MAML2: variants seen among roughly 807,000 people sequenced by gnomAD.
The protein encoded by MAML2 is mastermind-like protein 2.
MAML2 carries 22 observed loss-of-function variants against 96.1 expected under a neutral mutation model. The ratio of observed to expected loss-of-function variants is 0.23; its 90% confidence interval spans 0.16 to 0.33. The LOEUF (loss-of-function observed/expected upper bound fraction) is 0.33. MAML2 is among the 10% of genes least tolerant of loss of function. The probability of loss-of-function intolerance (pLI) is 1.00; values close to 1 mark genes in which losing one functional copy is unlikely to be tolerated. For missense variants in MAML2, 1,367 were observed against 1,392.4 expected, an observed-to-expected ratio of 0.98 and a Z score of 0.29; for synonymous variants, 561 against 521.3, an observed-to-expected ratio of 1.08 and a Z score of -1.04.
At chr11:96,178,026 C>A (rs3016376) in intron 1 of MAML2, among the ~76,000 whole-genome samples, 148,775 of 148,786 alleles carry the variant, frequency 1, 74,382 homozygotes, top group Middle Eastern at 1. Context: ...TACTCTTTAA[C>A]TTAAAAAAAA....
intron 1 of MAML2, among the ~76,000 whole-genome samples, chr11:96,253,343 A>T (rs1275594621): frequency 3.3e-5 from 5 of 152,182 alleles, no homozygotes; most frequent in Non-Finnish European, 7.3e-5. Context: ...GACAATGCCA[A>T]GGAATATAGA....
chr11:96,245,677 A>G (rs1026694395), intron 1 of MAML2, among the ~76,000 whole-genome samples: 2 of 148,660 alleles, frequency 1.3e-5, no homozygotes, highest in African/African-American at 2.5e-5. Flanking sequence ...AGCTATTTCT[A>G]TGTTCACCTG....
Position 96,167,204 on chromosome 11 carries a change from G to C in MAML2, c.514-73687C>G, listed in dbSNP as rs148651591. Among the ~76,000 whole-genome samples, 75 of 152,214 alleles carry C rather than the reference G, an allele frequency of 4.9e-4. 2 individuals are homozygous for C. In the East Asian group the frequency reaches 0.013, roughly 27 times the overall value. ...GTGTTAGAAAATAAAGTCTAATCTG[G>C]ACACTCGCTGCTCACTTGAATCCTG... On this transcript the variant is annotated intron_variant, in intron 1 of 4. Coordinates refer to ENST00000524717, the MANE Select transcript of MAML2 (RefSeq NM_032427.4).
chr11:96,148,005 C>A (rs886661899), intron 1 of MAML2, among the ~76,000 whole-genome samples: 1 of 152,186 alleles, frequency 6.6e-6, no homozygotes, highest in African/African-American at 2.4e-5. Flanking sequence ...TTATCTCCAG[C>A]ATTCCAGATA....
chr11:96,051,548 C>T (rs1858991022), intron 2 of MAML2, among the ~76,000 whole-genome samples: 1 of 152,100 alleles, frequency 6.6e-6, no homozygotes, highest in South Asian at 2.1e-4. Flanking sequence ...GGCATCTGAG[C>T]TCAGGCAGTC....
chr11:96,307,754 T>A (rs1299513026), intron 1 of MAML2, among the ~76,000 whole-genome samples: 1 of 152,064 alleles, frequency 6.6e-6, no homozygotes, highest in Non-Finnish European at 1.5e-5. Flanking sequence ...TCAAATAACA[T>A]CCTTAGGGGT....
chr11:96,276,892 C>A (rs1236710985), intron 1 of MAML2, among the ~76,000 whole-genome samples: 1 of 144,808 alleles, frequency 6.9e-6, no homozygotes, highest in Non-Finnish European at 1.5e-5. Flanking sequence ...AAACCTAAAT[C>A]TGGATAGTAC....
intron 4 of MAML2, among the ~76,000 whole-genome samples, chr11:95,984,886 A>G (rs1253743431): frequency 6.6e-6 from 1 of 152,178 alleles, no homozygotes; most frequent in Non-Finnish European, 1.5e-5. Flanking sequence ...TGAATAGGAG[A>G]AGGCAGAGCA....
chr11:96,052,809 G>A (rs1270521141), intron 2 of MAML2, among the ~76,000 whole-genome samples: 2 of 152,172 alleles, frequency 1.3e-5, no homozygotes, highest in African/African-American at 4.8e-5. Context: ...CCTAGTCTAG[G>A]TTTCTTTTGC....
intron 1 of MAML2, among the ~76,000 whole-genome samples, chr11:96,185,349 T>C (rs547032352): frequency 6.6e-6 from 1 of 152,314 alleles, no homozygotes; most frequent in South Asian, 2.1e-4. Context: ...GCTGACCAGG[T>C]GTCACACTGT....
chr11:96,294,993 C>T (rs926511134), intron 1 of MAML2, among the ~76,000 whole-genome samples: 1 of 152,168 alleles, frequency 6.6e-6, no homozygotes, highest in Non-Finnish European at 1.5e-5. Flanking sequence ...GTAACATTGA[C>T]TTTGGTAAAA....
chr11:96,281,661 A>C (rs937707122), intron 1 of MAML2, among the ~76,000 whole-genome samples: 3 of 152,114 alleles, frequency 2.0e-5, no homozygotes, highest in Non-Finnish European at 4.4e-5. Context: ...CACCAGTTTA[A>C]GACTTACTGA....
intron 1 of MAML2, among the ~76,000 whole-genome samples, chr11:96,291,535 A>T (rs769083960): frequency 2.6e-5 from 4 of 152,230 alleles, no homozygotes; most frequent in Non-Finnish European, 2.9e-5. Context: ...AGTTCATGTG[A>T]CATAATACTC....
chr11:96,040,640 G>A (rs1015170947), intron 2 of MAML2, among the ~76,000 whole-genome samples: 3 of 152,066 alleles, frequency 2.0e-5, no homozygotes, highest in African/African-American at 4.8e-5. Flanking sequence ...GGTGGTGGGC[G>A]CCTGTAATCC....
At chr11:96,153,907 G>A (rs559691811) in intron 1 of MAML2, among the ~76,000 whole-genome samples, 177 of 137,134 alleles carry the variant, frequency 1.3e-3, no homozygotes, top group African/African-American at 4.2e-3. Context: ...GCAAGACTCC[G>A]TCTCAATAAA....
intron 1 of MAML2, among the ~76,000 whole-genome samples, chr11:96,263,865 C>T (rs527736521): frequency 2.6e-5 from 4 of 152,152 alleles, no homozygotes; most frequent in Non-Finnish European, 1.5e-5. Context: ...ATTTGTGTAG[C>T]CTTGTGCATG....
chr11:96,308,140 G>C (rs1442644800), intron 1 of MAML2, among the ~76,000 whole-genome samples: 1 of 152,156 alleles, frequency 6.6e-6, no homozygotes, highest in Non-Finnish European at 1.5e-5. Flanking sequence ...ATTTCAGAGG[G>C]AGTTTCATTT....
intron 2 of MAML2, among the ~76,000 whole-genome samples, chr11:96,014,421 T>G (rs1156487706): frequency 6.6e-6 from 1 of 152,084 alleles, no homozygotes; most frequent in Non-Finnish European, 1.5e-5. Context: ...ATTCAGAAAA[T>G]GAACTTAACC....
intron 1 of MAML2, among the ~76,000 whole-genome samples, chr11:96,199,498 T>G (rs1861784598): frequency 6.6e-6 from 1 of 152,110 alleles, no homozygotes; most frequent in Admixed American, 6.5e-5. Context: ...CAAATCTGAT[T>G]GATATACCTT....
Sources: gnomAD v4.1 joint callset for allele counts (sites outside exome capture counted in the v4.1 genomes callset) on GRCh38, gnomAD v4.1.1 for gene constraint, MANE v1.5 for transcripts, NCBI Gene and HGNC (gene_info 2026-07-23, HGNC 2026-07-21) for gene names.